The following BICC1 variants were observed in gnomAD, a reference collection of about 807,000 sequenced individuals.
BICC1 encodes protein bicaudal C homolog 1.
A neutral mutation model predicts 111.0 loss-of-function variants in BICC1; 43 were observed. The ratio of observed to expected loss-of-function variants is 0.39; its 90% CI spans 0.30 to 0.50. The LOEUF is 0.50. Among genes scored for constraint, BICC1 ranks in the 20% least tolerant of loss-of-function variants. The probability of loss-of-function intolerance (pLI) is 0.88; values close to 1 mark genes in which losing one functional copy is unlikely to be tolerated. For missense variants in BICC1, 1,091 were observed against 1,203.2 expected (o/e 0.91, Z 1.38); for synonymous variants, 467 against 434.4 (o/e 1.07, Z -0.93).
chr10:58,640,596 C>T (rs745874266), intron 2 of BICC1, among the ~76,000 whole-genome samples: 6 of 152,178 alleles, frequency 3.9e-5, no homozygotes, highest in Admixed American at 6.5e-5. Context: ...ATGGGATACT[C>T]AATTAACTGT....
chr10:58,686,154 G>A (rs1346717003), intron 2 of BICC1, among the ~76,000 whole-genome samples: 2 of 152,156 alleles, frequency 1.3e-5, no homozygotes, highest in South Asian at 2.1e-4. Flanking sequence ...GAAATTCTGG[G>A]TTGAAAATTC....
At chr10:58,799,284 T>G (rs748206960) in intron 12 of BICC1, 32 bp downstream of exon 12, 1 of 1,524,734 alleles carries the variant, frequency 6.6e-7, no homozygotes, top group African/African-American at 1.4e-5. Context: ...GTGTGTGTGA[T>G]CTGTACTGTT....
At chr10:58,738,171 T>C (rs1841535167) in intron 3 of BICC1, among the ~76,000 whole-genome samples, 1 of 152,228 alleles carries the variant, frequency 6.6e-6, no homozygotes, top group Middle Eastern at 3.2e-3. Flanking sequence ...ACCATGCCTG[T>C]GTCCTGAATG....
intron 1 of BICC1, among the ~76,000 whole-genome samples, chr10:58,520,687 A>T (rs771831618): frequency 6.6e-6 from 1 of 152,122 alleles, no homozygotes; most frequent in Non-Finnish European, 1.5e-5. Flanking sequence ...TAAACATAGG[A>T]TTTGAAAATT....
chr10:58,624,768 G>C (rs1403319455), intron 2 of BICC1, among the ~76,000 whole-genome samples: 1 of 151,856 alleles, frequency 6.6e-6, no homozygotes, highest in Non-Finnish European at 1.5e-5. Flanking sequence ...TAATTTTTGT[G>C]TTTTTAGTAG....
At chr10:58,536,530 C>T (rs953697747) in intron 1 of BICC1, among the ~76,000 whole-genome samples, 3 of 151,618 alleles carry the variant, frequency 2.0e-5, no homozygotes, top group African/African-American at 7.3e-5. Flanking sequence ...ATAACAATGA[C>T]ACAAGTTCTC....
At chr10:58,710,943 G>C (rs926739651) in intron 3 of BICC1, among the ~76,000 whole-genome samples, 5 of 152,086 alleles carry the variant, frequency 3.3e-5, no homozygotes, top group Non-Finnish European at 7.4e-5. Context: ...TGGCCTCCAT[G>C]ACTTAAGTGA....
At chr10:58,786,841 C>A in intron 4 of BICC1, 82 bp from the exon 5 acceptor site, 1 of 1,100,222 alleles carries the variant, frequency 9.1e-7, no homozygotes, top group Non-Finnish European at 1.2e-6. Flanking sequence ...TTTGTTAATA[C>A]CATTCCCTTG....
At chr10:58,741,482 C>G (rs1475065790) in intron 3 of BICC1, among the ~76,000 whole-genome samples, 3 of 152,062 alleles carry the variant, frequency 2.0e-5, no homozygotes, top group Non-Finnish European at 4.4e-5. Flanking sequence ...CATTTTTGCT[C>G]TATTTATATT....
chr10:58,597,195 A>C (rs12766279), intron 1 of BICC1, among the ~76,000 whole-genome samples: 12,170 of 152,260 alleles, frequency 0.08, 598 homozygotes, highest in Middle Eastern at 0.11. Context: ...ATCACATATC[A>C]GTAGGACATC....
chr10:58,618,656 C>T (rs1217339771), intron 1 of BICC1, among the ~76,000 whole-genome samples: 1 of 152,200 alleles, frequency 6.6e-6, no homozygotes, highest in African/African-American at 2.4e-5. Context: ...CTTGGCGTGA[C>T]ACAGTGTCTG....
chr10:58,799,769 G>A (rs2132864511), intron 12 of BICC1, among the ~76,000 whole-genome samples: 1 of 152,140 alleles, frequency 6.6e-6, no homozygotes, highest in African/African-American at 2.4e-5. Context: ...AGTATAGTTT[G>A]AAGTCAGGTA....
At chr10:58,630,916 A>G (rs1174705458) in intron 2 of BICC1, among the ~76,000 whole-genome samples, 1 of 152,114 alleles carries the variant, frequency 6.6e-6, no homozygotes, top group Non-Finnish European at 1.5e-5. Context: ...CTACGGTAAA[A>G]TATTAGACCA....
intron 1 of BICC1, among the ~76,000 whole-genome samples, chr10:58,565,401 T>C (rs903514542): frequency 4.6e-5 from 7 of 152,206 alleles, no homozygotes; most frequent in African/African-American, 1.7e-4. Context: ...CATCCTGTCC[T>C]CAGAGGAGCT....
chr10:58,638,719 A>T (rs910932498), intron 2 of BICC1, among the ~76,000 whole-genome samples: 1 of 152,216 alleles, frequency 6.6e-6, no homozygotes, highest in South Asian at 2.1e-4. Flanking sequence ...AAGAGCACCA[A>T]TGAGGAGAAA....
intron 4 of BICC1, among the ~76,000 whole-genome samples, 194 bp downstream of exon 4, chr10:58,785,274 A>G (rs1048595464): frequency 6.6e-6 from 1 of 152,184 alleles, no homozygotes; most frequent in African/African-American, 2.4e-5. Context: ...ATGCTGAGTA[A>G]TTGAACTATA....
chr10:58,630,590 A>G (rs1234122146), intron 2 of BICC1, among the ~76,000 whole-genome samples: 19 of 152,098 alleles, frequency 1.2e-4, no homozygotes, highest in Non-Finnish European at 8.8e-5. Context: ...CACCACGCCT[A>G]GCTTTCAGGT....
At chr10:58,824,229 A>G in intron 20 of BICC1, 1 of 342,246 alleles carries the variant, frequency 2.9e-6, no homozygotes, top group Non-Finnish European at 4.1e-6. Flanking sequence ...CACCTCTGTC[A>G]CTTAGTACCT....
intron 3 of BICC1, among the ~76,000 whole-genome samples, chr10:58,755,095 A>G (rs1393708641): frequency 6.6e-6 from 1 of 151,412 alleles, no homozygotes; most frequent in Non-Finnish European, 1.5e-5. Flanking sequence ...TTGAAAAGCA[A>G]CTGTGTCAGA....
Sources: allele counts gnomAD v4.1 joint callset (sites outside exome capture counted in the v4.1 genomes callset), GRCh38; gene constraint gnomAD v4.1.1; transcripts MANE v1.5; gene names NCBI Gene and HGNC (gene_info 2026-07-23, HGNC 2026-07-21).